ROBO1: variants seen among roughly 807,000 people sequenced by gnomAD.
ROBO1 encodes roundabout guidance receptor 1.
ROBO1 carries 149 observed loss-of-function variants against 195.9 expected under a neutral mutation model. The observed-to-expected ratio is 0.76, with a 90% confidence interval of 0.67 to 0.87. The LOEUF is 0.87. Ranked by LOEUF, ROBO1 falls within the 40% of genes least tolerant of loss-of-function variation. ROBO1 has a pLI of 0.00. For synonymous variants in ROBO1, 816 were observed against 733.2 expected, an observed-to-expected ratio of 1.11 and a Z score of -1.82; for missense variants, 1,933 against 2,068.3, an observed-to-expected ratio of 0.93 and a Z score of 1.27.
intron 3 of ROBO1, among the ~76,000 whole-genome samples, chr3:79,082,240 C>A (rs1014630300): frequency 6.6e-6 from 1 of 152,102 alleles, no homozygotes; most frequent in African/African-American, 2.4e-5. Flanking sequence ...CAATCCTATT[C>A]CTGGCTTGAC....
chr3:79,042,283 A>G (rs2078501909), intron 3 of ROBO1, among the ~76,000 whole-genome samples: 1 of 152,196 alleles, frequency 6.6e-6, no homozygotes, highest in Admixed American at 6.6e-5. Flanking sequence ...ACACATATGT[A>G]TATATAATGC....
chr3:79,219,048 T>G (rs2082096730), intron 2 of ROBO1, among the ~76,000 whole-genome samples: 1 of 152,068 alleles, frequency 6.6e-6, no homozygotes, highest in Admixed American at 6.6e-5. Context: ...TTCAGTTAAA[T>G]TATTAAATAG....
chr3:79,106,917 G>GTA (rs2079791957), intron 3 of ROBO1, among the ~76,000 whole-genome samples: 1 of 151,506 alleles, frequency 6.6e-6, no homozygotes, highest in African/African-American at 2.4e-5. Context: ...CCCTACTTAT[G>GTA]TATAGAATCT....
chr3:78,967,534 C>T (rs537037215), intron 3 of ROBO1, among the ~76,000 whole-genome samples: 11 of 152,106 alleles, frequency 7.2e-5, no homozygotes, highest in Non-Finnish European at 1.6e-4. Context: ...CTGAAGTCTT[C>T]CCGAATTTAG....
At chr3:78,781,187 C>A (rs2083667105) in intron 4 of ROBO1, among the ~76,000 whole-genome samples, 1 of 152,114 alleles carries the variant, frequency 6.6e-6, no homozygotes, top group Admixed American at 6.6e-5. Context: ...TATAAGTAAG[C>A]CAGAACACCC....
At chr3:79,386,159 A>G (rs554928965) in intron 2 of ROBO1, among the ~76,000 whole-genome samples, 1 of 152,196 alleles carries the variant, frequency 6.6e-6, no homozygotes, top group Non-Finnish European at 1.5e-5. Context: ...CATTTTAATT[A>G]GAAACAGACA....
At chr3:78,852,365 C>T (rs2106877021) in intron 4 of ROBO1, among the ~76,000 whole-genome samples, 1 of 152,230 alleles carries the variant, frequency 6.6e-6, no homozygotes, top group Non-Finnish European at 1.5e-5. Context: ...AAGAGAATGT[C>T]AGTTCTACTT....
chr3:78,627,352 T>A lies in ROBO1; in HGVS notation c.3844A>T (p.Thr1282Ser). The A allele has an allele frequency of 6.2e-7, 1 of 1,612,476 alleles. No homozygotes were observed. The highest frequency in any genetic ancestry group is 8.5e-7 in the Non-Finnish European group (1 of 1,179,284). Residue 1282 changes from threonine to serine, a missense_variant, in exon 26 of 31, where the codon ACT becomes TCT. Physicochemically the swap from Thr to Ser is moderately conservative, Grantham distance 58. Coordinates refer to ENST00000464233, the MANE Select transcript of ROBO1 (RefSeq NM_002941.4). ...TCGGGCTGGTGCTGCATGTGGCCAGTCTCCTCTGGACAATCCTGTAACATG... is the reference window on the plus strand; with the variant it reads ...TCGGGCTGGTGCTGCATGTGGCCAGACTCCTCTGGACAATCCTGTAACATG... ...QPMLQDCPEETGHMQHQPDRR... is the reference protein window; with the variant it reads ...QPMLQDCPEESGHMQHQPDRR...
intron 1 of ROBO1, among the ~76,000 whole-genome samples, chr3:79,698,672 A>G (rs1947518379): frequency 6.6e-6 from 1 of 151,604 alleles, no homozygotes; most frequent in African/African-American, 2.4e-5. Flanking sequence ...TTAAGAAGTT[A>G]CTTAATTCAA....
intron 2 of ROBO1, among the ~76,000 whole-genome samples, chr3:79,143,723 T>C (rs2080584001): frequency 6.6e-6 from 1 of 152,046 alleles, no homozygotes; most frequent in Non-Finnish European, 1.5e-5. Context: ...TTTCCTCCAG[T>C]GGTAACATCT....
chr3:78,724,553 A>T (rs2082119747), intron 5 of ROBO1, among the ~76,000 whole-genome samples: 1 of 147,596 alleles, frequency 6.8e-6, no homozygotes, highest in African/African-American at 2.5e-5. Flanking sequence ...GTGCTGGCAC[A>T]TGCGTGTAGT....
chr3:79,041,318 C>T (rs898607786), intron 3 of ROBO1, among the ~76,000 whole-genome samples: 1 of 152,098 alleles, frequency 6.6e-6, no homozygotes, highest in African/African-American at 2.4e-5. Flanking sequence ...ATGACTAAGA[C>T]AGCATCTTGT....
At chr3:79,160,713 C>T (rs1329691113) in intron 2 of ROBO1, among the ~76,000 whole-genome samples, 1 of 151,984 alleles carries the variant, frequency 6.6e-6, no homozygotes, top group Non-Finnish European at 1.5e-5. Context: ...CTCATGTGAT[C>T]ACAGTGTGGA....
intron 1 of ROBO1, among the ~76,000 whole-genome samples, chr3:79,705,501 C>G (rs1049292731): frequency 6.6e-6 from 1 of 151,944 alleles, no homozygotes. Flanking sequence ...ATTTATGTGG[C>G]TTTATTTCTG....
In ROBO1 at chr3:79,674,388, T is replaced by A. The variant is rs550508320; in HGVS notation, c.-50-84427A>T. ...TAAATTTATTTTGACCTTCATACTATCTTTTAAAGACAACATTTTGGGTTT... is the reference window on the plus strand; with the variant it reads ...TAAATTTATTTTGACCTTCATACTAACTTTTAAAGACAACATTTTGGGTTT... On this transcript the variant is annotated intron_variant, in intron 1 of 30. Transcript: ENST00000464233. 2.6e-5 allele frequency among the ~76,000 whole-genome samples: 4 copies of A among 152,096 alleles called. No homozygotes were observed. In the South Asian group the frequency reaches 8.3e-4, roughly 31 times the overall value.
chr3:79,632,619 A>G (rs1945377841), intron 1 of ROBO1, among the ~76,000 whole-genome samples: 1 of 152,050 alleles, frequency 6.6e-6, no homozygotes, highest in Non-Finnish European at 1.5e-5. Flanking sequence ...TATCCCCTGA[A>G]TCTATTTTTG....
chr3:79,311,421 C>G (rs2033478296), intron 2 of ROBO1, among the ~76,000 whole-genome samples: 1 of 152,138 alleles, frequency 6.6e-6, no homozygotes, highest in Admixed American at 6.5e-5. Flanking sequence ...CTCTGAATTT[C>G]TAATTTAAAT....
At chr3:79,611,423 T>C (rs7433214) in intron 1 of ROBO1, among the ~76,000 whole-genome samples, 85,808 of 151,908 alleles carry the variant, frequency 0.56, 25,899 homozygotes, top group East Asian at 0.89. Flanking sequence ...TTTTCTTTAA[T>C]GAAAATGGTA....
rs184813369 is a variant in ROBO1, at chr3:79,664,129, G to T, written c.-50-74168C>A. Among the ~76,000 whole-genome samples, 65 of 152,030 alleles carry T rather than the reference G, an allele frequency of 4.3e-4. 1 individual carries two copies. The highest frequency in any genetic ancestry group is 1.5e-3 in the African/African-American group (62 of 41,492). On this transcript the variant is annotated intron_variant, in intron 1 of 30. Coordinates refer to ENST00000464233, the MANE Select transcript of ROBO1 (RefSeq NM_002941.4). Reference sequence around the variant, plus strand: ...TCTAAGTTTGTTATAGGTGCATCTTGTATCAAAATGAATTATTATTATTTT... The same window carrying T: ...TCTAAGTTTGTTATAGGTGCATCTTTTATCAAAATGAATTATTATTATTTT...
Sources: allele counts gnomAD v4.1 joint callset (sites outside exome capture counted in the v4.1 genomes callset), GRCh38; gene constraint gnomAD v4.1.1; transcripts MANE v1.5; gene names NCBI Gene and HGNC (gene_info 2026-07-23, HGNC 2026-07-21).